Variants in CARMIL2 observed in about 807,000 individuals in gnomAD.
The protein encoded by CARMIL2 is capping protein regulator and myosin 1 linker 2.
Under a neutral mutation model 173.3 loss-of-function variants are expected in CARMIL2, and 96 were observed. That is an observed-to-expected ratio of 0.55 (90% CI 0.47 to 0.66). CARMIL2 has a LOEUF of 0.66. Ranked by LOEUF, CARMIL2 falls within the 30% of genes least tolerant of loss-of-function variation. CARMIL2 has a pLI of 0.00. For missense variants in CARMIL2, 1,771 were observed against 1,906.7 expected (o/e 0.93, Z 1.33); for synonymous variants, 830 against 817.1 (o/e 1.02, Z -0.27).
Position 67,657,162 on chromosome 16 carries a change from G to C in CARMIL2, c.4118-77G>C. The stretch of plus-strand genomic sequence containing the variant: ...TGTGAGTGCATGCTTATGTGCACTG[G>C]AGGTGGAAGAGAGGGGCAGGGGATG... On this transcript the variant is annotated intron_variant, in intron 36 of 37. Coordinates refer to ENST00000334583, the MANE Select transcript of CARMIL2 (RefSeq NM_001013838.3). The surrounding 1 kb of genome is among the most constrained non-coding windows in gnomAD (Gnocchi z 4.5). The C allele has an allele frequency of 1.5e-6, 2 of 1,293,578 alleles. 1 individual carries two copies. Among genetic ancestry groups the C allele is most frequent in the South Asian group, 2.5e-5 (2 of 79,682 alleles). 80.1% of individuals were successfully genotyped at this position (1,293,578 alleles called of 1,614,324 possible).
In CARMIL2 at chr16:67,646,768, G is replaced by T. The variant is rs201242195; in HGVS notation, c.521G>T (p.Arg174Leu). 2 of 1,613,928 alleles carry T rather than the reference G, an allele frequency of 1.2e-6. No homozygotes were observed. The highest frequency in any genetic ancestry group is 2.2e-5 in the East Asian group (1 of 44,880). ...TGTGACTACAATGGCTTCCCTTTCC[G>T]AGAGGAGATTCAGTGGGTGAGGGTA... Reference protein sequence around the residue: ...ALCDYNGFPFREEIQWDVDTI... With the variant: ...ALCDYNGFPFLEEIQWDVDTI... Residue 174 changes from arginine to leucine, a missense_variant, in exon 7 of 38, where the codon CGA becomes CTA. By Grantham distance (102) the Arg-to-Leu change is moderately radical. Transcript: ENST00000334583. The surrounding 1 kb of genome is among the most constrained non-coding windows in gnomAD (Gnocchi z 4.6).
In CARMIL2 at chr16:67,646,705, C is replaced by G. The variant is rs775174183; in HGVS notation, c.467-9C>G. ...CCTTTTCCACATCGCACCCCTATCCCCTCCCCAGGTGGCTTCTTGGAGACA... is the reference window on the plus strand; with the variant it reads ...CCTTTTCCACATCGCACCCCTATCCGCTCCCCAGGTGGCTTCTTGGAGACA... On this transcript the variant is annotated splice_polypyrimidine_tract_variant and intron_variant, in intron 6 of 37. Transcript: ENST00000334583. The surrounding 1 kb of genome is among the most constrained non-coding windows in gnomAD (Gnocchi z 4.6). 6.2e-7 allele frequency: 1 copy of G among 1,613,838 alleles called. No homozygotes were observed. Among genetic ancestry groups the G allele is most frequent in the Non-Finnish European group, 8.5e-7 (1 of 1,179,760 alleles).
In CARMIL2 at chr16:67,657,039, C is replaced by CT. The variant is rs1358545807; in HGVS notation, c.4117+158_4117+159insT. On this transcript the variant is annotated intron_variant, in intron 36 of 37. Transcript: ENST00000334583. The surrounding 1 kb of genome is among the most constrained non-coding windows in gnomAD (Gnocchi z 4.5). ...AAGACCAGGTGCAAGGGTTTGACAG[C>CT]AAGCCCTTCCAACTAGCACTGGCTC... is the stretch of plus-strand genomic sequence containing the variant. 1 of 757,412 alleles carries CT rather than the reference C, an allele frequency of 1.3e-6. No homozygotes were observed. Among genetic ancestry groups the CT allele is most frequent in the African/African-American group, 1.8e-5 (1 of 56,914 alleles). 46.9% of individuals were successfully genotyped at this position (757,412 alleles called of 1,614,324 possible).
chr16:67,656,964 C>CCAAAG, intron 36 of CARMIL2, 83 bp downstream of exon 36: 1 of 1,162,900 alleles, frequency 8.6e-7, no homozygotes, highest in Non-Finnish European at 1.2e-6. Flanking sequence ...TAGCTTTGGT[C>CCAAAG]CTTGGAGGGA....
rs750695216 is a variant in CARMIL2 at position 67,645,577 on chromosome 16, G to A, written c.78G>A (p.Glu26=). 3 of 1,612,164 alleles carry A rather than the reference G, an allele frequency of 1.9e-6. No homozygotes were observed. Among genetic ancestry groups the A allele is most frequent in the Non-Finnish European group, 1.7e-6 (2 of 1,179,238 alleles). Residue 26 remains glutamate (E), a synonymous_variant, in exon 2 of 38, where the codon GAG becomes GAA. Coordinates refer to ENST00000334583, the MANE Select transcript of CARMIL2 (RefSeq NM_001013838.3). ...ITRFLWPKEV[E]LLLKTWLPGE... is the part of the protein sequence containing the mutation. ...GGTTCCTGTGGCCCAAAGAGGTGGA[G>A]CTGCTGCTGAAAACCTGGCTACCCG...
Position 67,649,155 on chromosome 16 carries a change from C to T in CARMIL2, c.1671C>T (p.Asn557=). The T allele has an allele frequency of 6.2e-7, 1 of 1,613,572 alleles. No homozygotes were observed. The highest frequency in any genetic ancestry group is 8.5e-7 in the Non-Finnish European group (1 of 1,179,766). ...RSLRHVALGR[N]FNVRCKETLD... ...TGAGACATGTGGCGCTTGGAAGGAACTTCAACGTCCGGTGCAAGTGAGCCC... is the reference window on the plus strand; with the variant it reads ...TGAGACATGTGGCGCTTGGAAGGAATTTCAACGTCCGGTGCAAGTGAGCCC... Residue 557 remains asparagine, a synonymous_variant, in exon 18 of 38, where the codon AAC becomes AAT. Transcript: ENST00000334583. This position sits in a 1 kb window ranked among gnomAD's most constrained non-coding sequence, Gnocchi z 6.7.
At position 67,646,927 on chromosome 16, in the gene CARMIL2, G is replaced by C. The variant is rs1355297766; in HGVS notation, c.565G>C (p.Gly189Arg). Residue 189 changes from glycine to arginine, a missense_variant, in exon 8 of 38, where the codon GGC becomes CGC. By Grantham distance (125) the Gly-to-Arg change is moderately radical (BLOSUM62 -2). Coordinates refer to ENST00000334583, the MANE Select transcript of CARMIL2 (RefSeq NM_001013838.3). This position sits in a 1 kb window ranked among gnomAD's most constrained non-coding sequence, Gnocchi z 4.6. The stretch of plus-strand genomic sequence containing the variant: ...CGTGGACACCATTTACCATCGCCAG[G>C]GCTGCCGCCATTTCAGCCTGGGAGA... ...WDVDTIYHRQGCRHFSLGDFS... is the reference protein window; with the variant it reads ...WDVDTIYHRQRCRHFSLGDFS... The C allele has an allele frequency of 3.1e-6, 5 of 1,613,502 alleles. No homozygotes were observed. Among genetic ancestry groups the C allele is most frequent in the Non-Finnish European group, 4.2e-6 (5 of 1,179,894 alleles).
rs1163664120 is a variant in CARMIL2, at chr16:67,647,667, C to T, written c.872-13C>T. On this transcript the variant is annotated splice_polypyrimidine_tract_variant and intron_variant, in intron 11 of 37. Transcript: ENST00000334583. ...AGGAGGTGAGACCCACGTGGCTGTT[C>T]CCACCCCCCAAGGCATGACTGCACT... 3 of 1,599,672 alleles carry T rather than the reference C, an allele frequency of 1.9e-6. No homozygotes were observed. The highest frequency in any genetic ancestry group is 2.6e-6 in the Non-Finnish European group (3 of 1,174,202).
At chr16:67,645,687 C>A in intron 2 of CARMIL2, 37 bp from the exon 3 acceptor site, 1 of 1,613,414 alleles carries the variant, frequency 6.2e-7, no homozygotes, top group Admixed American at 1.7e-5. Flanking sequence ...GAAAGAGCCT[C>A]TTGCTCTGCC....
At chr16:67,647,229 G>C in intron 9 of CARMIL2, 38 bp downstream of exon 9, 1 of 1,612,422 alleles carries the variant, frequency 6.2e-7, no homozygotes, top group Non-Finnish European at 8.5e-7. Context: ...AGGGGCCAAG[G>C]GTGTGGGCCA....
rs758660397 is a variant in CARMIL2, at chr16:67,649,212, C to T, written c.1688+40C>T. 1.2e-6 allele frequency: 2 copies of T among 1,612,782 alleles called. No individual in the cohort carries two copies. Among genetic ancestry groups the T allele is most frequent in the African/African-American group, 2.7e-5 (2 of 74,882 alleles). On this transcript the variant is annotated intron_variant, in intron 18 of 37. Coordinates refer to ENST00000334583, the MANE Select transcript of CARMIL2 (RefSeq NM_001013838.3). This position sits in a 1 kb window ranked among gnomAD's most constrained non-coding sequence, Gnocchi z 6.7. ...TACTCCTGGGCCTCCCAGACAACAC[C>T]CCACCACCCCTGTCCCCCACAACTG...
At position 67,648,199 on chromosome 16, in the gene CARMIL2, G is replaced by C. The variant is rs899970533; in HGVS notation, c.1219G>C (p.Gly407Arg). The C allele has an allele frequency of 1.2e-6, 2 of 1,605,656 alleles. No homozygotes were observed. Among genetic ancestry groups the C allele is most frequent in the Non-Finnish European group, 1.7e-6 (2 of 1,176,898 alleles). The stretch of plus-strand genomic sequence containing the variant: ...CTGGAGGGCGGGACGGGGAGGGCTC[G>C]GTCCCCCCGCGGGTGTAGCCAACAG... ...ADWRAGRGGL[G>R]PPAGVANSLP... Residue 407 changes from glycine to arginine, a missense_variant, in exon 14 of 38, where the codon GGT becomes CGT. Transcript: ENST00000334583. This position sits in a 1 kb window ranked among gnomAD's most constrained non-coding sequence, Gnocchi z 6.1.
intron 22 of CARMIL2, 42 bp downstream of exon 22, chr16:67,650,192 A>G: frequency 1.3e-6 from 2 of 1,530,792 alleles, no homozygotes; most frequent in Non-Finnish European, 8.9e-7. Flanking sequence ...GGGCATGAGG[A>G]GACCTGTGGC....
intron 29 of CARMIL2, 114 bp from the exon 30 acceptor site, chr16:67,654,035 C>CA: frequency 1.4e-6 from 1 of 693,332 alleles, no homozygotes; most frequent in South Asian, 1.8e-5. Flanking sequence ...CCCCTAGGGT[C>CA]ACCCCAGTCT....
At position 67,652,532 on chromosome 16, in the gene CARMIL2, A is replaced by T; in HGVS notation, c.2878A>T (p.Ile960Phe). Residue 960 changes from isoleucine (I) to phenylalanine (F), a missense_variant, in exon 28 of 38, where the codon ATT (isoleucine) becomes TTT (phenylalanine). Ile to Phe is a conservative substitution (Grantham distance 21). Coordinates refer to ENST00000334583, the MANE Select transcript of CARMIL2 (RefSeq NM_001013838.3). This position sits in a 1 kb window ranked among gnomAD's most constrained non-coding sequence, Gnocchi z 4.7. ...CCACGGTCTTCACCTGGTCCCCTTC[A>T]TTCACAGTAAGTCAGGGCCTTGGGG... ...LSHGLHLVPF[I>F]HSAAEEAEPE... The T allele has an allele frequency of 6.2e-7, 1 of 1,613,280 alleles. No individual in the cohort carries two copies. The highest frequency in any genetic ancestry group is 2.2e-5 in the East Asian group (1 of 44,884).
In CARMIL2 at chr16:67,654,519, C is replaced by T. The variant is rs1166768624; in HGVS notation, c.3409C>T (p.Arg1137Trp). ...TRKTTFGDLL[R>W]PPTRPSRGEE... ...AAAAACTACATTTGGCGACCTACTG[C>T]GGCCGCCAACCCGTCCCAGCCGTGG... Residue 1137 changes from arginine to tryptophan, a missense_variant, in exon 31 of 38, where the codon CGG (arginine) becomes TGG (tryptophan). By Grantham distance (101) the Arg-to-Trp change is moderately radical (BLOSUM62 -3). Transcript: ENST00000334583. 1.9e-6 allele frequency: 3 copies of T among 1,611,560 alleles called. No homozygotes were observed. Among genetic ancestry groups the T allele is most frequent in the Admixed American group, 1.7e-5 (1 of 59,774 alleles).
rs1597756065 is a variant in CARMIL2 at position 67,653,349 on chromosome 16, T to G, written c.3120+95T>G. The stretch of plus-strand genomic sequence containing the variant: ...GGTGGTAGCGGTCAAGGAGAGGGGG[T>G]GGTGGGGGCCCAAGGCCACCTGGTC... On this transcript the variant is annotated intron_variant, in intron 29 of 37. Transcript: ENST00000334583. This position sits in a 1 kb window ranked among gnomAD's most constrained non-coding sequence, Gnocchi z 7.4. 1.8e-6 allele frequency: 1 copy of G among 550,512 alleles called. No individual in the cohort carries two copies. Among genetic ancestry groups the G allele is most frequent in the Non-Finnish European group, 2.4e-6 (1 of 419,122 alleles). 34.1% of individuals were successfully genotyped at this position (550,512 alleles called of 1,614,324 possible).
chr16:67,649,498 G>A lies in CARMIL2; in HGVS notation c.1798G>A (p.Val600Ile), dbSNP rs889311845. Residue 600 changes from valine to isoleucine, a missense_variant, in exon 20 of 38, where the codon GTC becomes ATC. Transcript: ENST00000334583. The surrounding 1 kb of genome is among the most constrained non-coding windows in gnomAD (Gnocchi z 6.7). ...GTCTCGGCTGAAGCTGGGTGCCAGC[G>A]TCCTACTCCGGGCCCTAGCCACCAA... ...AESRLKLGAS[V>I]LLRALATNPN... 1.2e-6 allele frequency: 2 copies of A among 1,609,598 alleles called. No individual in the cohort carries two copies. Among genetic ancestry groups the A allele is most frequent in the Non-Finnish European group, 1.7e-6 (2 of 1,179,878 alleles).
rs745455447 is a variant in CARMIL2, at chr16:67,649,611, G to C, written c.1911G>C (p.Ser637=). The change falls in exon 20 of 38, where the codon TCG becomes TCC. Residue 637 remains serine (S), a synonymous_variant. Coordinates refer to ENST00000334583, the MANE Select transcript of CARMIL2 (RefSeq NM_001013838.3). This position sits in a 1 kb window ranked among gnomAD's most constrained non-coding sequence, Gnocchi z 6.7. ...TGGCCAAGGCGCTGCGGGTCAACTC[G>C]AGGCTCCGGTGGGCGGGGTCAGAGG... is the stretch of plus-strand genomic sequence containing the variant. ...KLLAKALRVN[S]RLRSVVWDRN... The C allele has an allele frequency of 1.3e-6, 2 of 1,595,766 alleles. No individual in the cohort carries two copies. Among genetic ancestry groups the C allele is most frequent in the South Asian group, 1.1e-5 (1 of 90,652 alleles).
Sources: gnomAD v4.1 joint callset for allele counts on GRCh38, gnomAD v4.1.1 for gene constraint, Gnocchi (gnomAD v3.1) non-coding constraint, MANE v1.5 for transcripts, NCBI Gene and HGNC (gene_info 2026-07-23, HGNC 2026-07-21) for gene names.